NLRP4: variants seen among roughly 807,000 people sequenced by gnomAD.
NLRP4 encodes the protein NLR family pyrin domain containing 4.
NLRP4 carries 44 observed loss-of-function variants against 84.7 expected under a neutral mutation model. The observed-to-expected ratio is 0.52, with a 90% CI of 0.41 to 0.67. NLRP4 has a LOEUF of 0.67. Ranked by LOEUF, NLRP4 falls within the 30% of genes least tolerant of loss-of-function variation. The probability of loss-of-function intolerance (pLI) is 0.00; values close to 1 mark genes in which losing one functional copy is unlikely to be tolerated. For missense variants in NLRP4, 1,260 were observed against 1,219.4 expected (o/e 1.03, Z -0.50); for synonymous variants, 544 against 476.4 (o/e 1.14, Z -1.85).
In NLRP4 at chr19:55,881,548, C is replaced by T. The variant is rs1171502798; in HGVS notation, c.2946C>T (p.Ile982=). ...AAGAGAGAAATCCTAACCTGACCAT[C>T]ACAGACGACTGTGACACAATCACAA... is the stretch of plus-strand genomic sequence containing the variant. ...AEEERNPNLT[I]TDDCDTITRV... is the part of the protein sequence containing the mutation. Residue 982 remains isoleucine (I), a synonymous_variant, in exon 10 of 10, where the codon ATC becomes ATT. Coordinates refer to ENST00000301295, the MANE Select transcript of NLRP4 (RefSeq NM_134444.5). 1 of 1,606,536 alleles carries T rather than the reference C, an allele frequency of 6.2e-7. No individual in the cohort carries two copies. The highest frequency in any genetic ancestry group is 1.7e-5 in the Admixed American group (1 of 59,976).
intron 8 of NLRP4, among the ~76,000 whole-genome samples, chr19:55,878,240 C>T (rs1003044110): frequency 4.6e-5 from 7 of 151,822 alleles, no homozygotes; most frequent in Non-Finnish European, 1.0e-4. Context: ...GCACTTCAGC[C>T]GGGATGACAG....
chr19:55,874,587 C>G (rs302446), intron 7 of NLRP4, among the ~76,000 whole-genome samples: 141,048 of 152,242 alleles, frequency 0.93, 65,536 homozygotes, highest in East Asian at 1. Flanking sequence ...GTACTCAAGA[C>G]AAAAGAAAAA....
chr19:55,855,114 G>A (rs117665331), intron 2 of NLRP4, among the ~76,000 whole-genome samples: 3,912 of 152,282 alleles, frequency 0.026, 92 homozygotes, highest in East Asian at 0.092. Flanking sequence ...GGAAGCTGAG[G>A]CAGGAGGATC....
Position 55,878,945 on chromosome 19 carries a change from T to G in NLRP4, c.2848T>G (p.Cys950Gly). 6.2e-7 allele frequency: 1 copy of G among 1,613,202 alleles called. No homozygotes were observed. The change falls in exon 9 of 10, where the codon TGT becomes GGT. Residue 950 changes from cysteine (C) to glycine (G), a missense_variant. Coordinates refer to ENST00000301295, the MANE Select transcript of NLRP4 (RefSeq NM_134444.5). ...VLCEALRHPE[C>G]ALQVLGLRKT... Reference sequence around the variant, plus strand: ...CTGTGAGGCCCTGAGACACCCAGAGTGTGCCCTGCAGGTGCTCGGGTGAGC... The same window carrying G: ...CTGTGAGGCCCTGAGACACCCAGAGGGTGCCCTGCAGGTGCTCGGGTGAGC...
chr19:55,850,908 T>C (rs1288503555), intron 1 of NLRP4, among the ~76,000 whole-genome samples: 1 of 71,720 alleles, frequency 1.4e-5, no homozygotes, highest in Non-Finnish European at 2.2e-5. Context: ...CGGTGTAATG[T>C]CCGAGGCTGC....
At position 55,881,474 on chromosome 19, in the gene NLRP4, A is replaced by T; in HGVS notation, c.2872A>T (p.Arg958Ter). ...CCTCTTAAAATATTTTACCAGGCTG[A>T]GAAAAACTGATTTTGATGAGGAAAC... ...PECALQVLGLRKTDFDEETQA... is the reference protein window; with the variant it reads ...PECALQVLGL The change falls in exon 10 of 10, where the codon AGA becomes TGA. Residue 958 changes from arginine (R) to a stop codon, truncating the protein, a stop_gained. Coordinates refer to ENST00000301295, the MANE Select transcript of NLRP4 (RefSeq NM_134444.5). LOFTEE classifies it low-confidence loss of function (END_TRUNC). 6.5e-7 allele frequency: 1 copy of T among 1,549,288 alleles called. No individual in the cohort carries two copies. Among genetic ancestry groups the T allele is most frequent in the Non-Finnish European group, 8.9e-7 (1 of 1,122,914 alleles).
chr19:55,857,357 G>GTGTGTGTC (rs1491411569), intron 2 of NLRP4: 6 of 407,140 alleles, frequency 1.5e-5, no homozygotes, highest in Admixed American at 4.1e-5. Context: ...GTGTGTGTGT[G>GTGTGTGTC]TCTATTGAAA....
intron 2 of NLRP4, among the ~76,000 whole-genome samples, chr19:55,855,308 C>T (rs181255901): frequency 6.6e-6 from 1 of 152,296 alleles, no homozygotes; most frequent in East Asian, 1.9e-4. Context: ...TTAGATCTTC[C>T]ACTGGGTACT....
intron 9 of NLRP4, 89 bp downstream of exon 9, chr19:55,879,053 T>A (rs1384044936): frequency 9.8e-7 from 1 of 1,022,852 alleles, no homozygotes. Flanking sequence ...ACGTTGCATT[T>A]AAAATGCAAA....
In NLRP4 at chr19:55,858,828, TG is replaced by T. The variant is rs762772089; in HGVS notation, c.1436del (p.Cys479LeufsTer6). On this transcript the variant is annotated frameshift_variant, in exon 3 of 10. Coordinates refer to ENST00000301295, the MANE Select transcript of NLRP4 (RefSeq NM_134444.5). LOFTEE classifies it high-confidence loss of function. The surrounding 1 kb of genome is among the most constrained non-coding windows in gnomAD (Gnocchi z 4.2). ...HLDHPHPAVR[C>X]VQELLVANFE... ...TGATCATCCTCACCCAGCTGTGAGA[TG>T]TGTACAGGAATTGCTAGTTGCCAAT... 6.2e-7 allele frequency: 1 copy of T among 1,614,046 alleles called. No individual in the cohort carries two copies. Among genetic ancestry groups the T allele is most frequent in the Non-Finnish European group, 8.5e-7 (1 of 1,180,004 alleles).
chr19:55,838,843 A>C (rs1983496614), intron 1 of NLRP4, among the ~76,000 whole-genome samples: 1 of 152,190 alleles, frequency 6.6e-6, no homozygotes, highest in African/African-American at 2.4e-5. Context: ...AAAAAACAGG[A>C]AATTAATAGA....
rs1267201279 is a variant in NLRP4, at chr19:55,850,270, C to T, written c.-65-1746C>T. On this transcript the variant is annotated intron_variant, in intron 1 of 9. Coordinates refer to ENST00000301295, the MANE Select transcript of NLRP4 (RefSeq NM_134444.5). ...ATTTCCGAGGCTGCGGTGTAATTTC[C>T]GAGGCTGCGGTGTAATGTCCGTGGC... Among the ~76,000 whole-genome samples, 8 of 127,920 alleles carry T rather than the reference C, an allele frequency of 6.3e-5. No homozygotes were observed. The East Asian group carries it at 1.1e-3, about 18-fold the overall frequency. The allele number at this position is 127,920 out of a possible 152,430, so 83.9% of individuals were successfully genotyped here.
chr19:55,878,612 G>A (rs1985463829), intron 8 of NLRP4, among the ~76,000 whole-genome samples, 182 bp from the exon 9 acceptor site: 1 of 152,186 alleles, frequency 6.6e-6, no homozygotes, highest in African/African-American at 2.4e-5. Flanking sequence ...GAGAAGAATG[G>A]ACACTTATGG....
chr19:55,853,177 A>G (rs1984237291), intron 2 of NLRP4, among the ~76,000 whole-genome samples: 2 of 152,232 alleles, frequency 1.3e-5, no homozygotes, highest in South Asian at 4.1e-4. Flanking sequence ...ATGGCAGGAT[A>G]TAGCTCTTTC....
At position 55,857,838 on chromosome 19, in the gene NLRP4, C is replaced by T. The variant is rs773617976; in HGVS notation, c.445C>T (p.Arg149Cys). 31 of 1,613,738 alleles carry T rather than the reference C, an allele frequency of 1.9e-5. No homozygotes were observed. The highest frequency in any genetic ancestry group is 2.3e-5 in the Non-Finnish European group (27 of 1,179,790). The change falls in exon 3 of 10, where the codon CGT (arginine) becomes TGT (cysteine). Residue 149 changes from arginine to cysteine, a missense_variant. Transcript: ENST00000301295. ...FAPKEAGKQP[R>C]TVIIQGPQGI... is the part of the protein sequence containing the mutation. Reference sequence around the variant, plus strand: ...TCCCAAGGAAGCTGGGAAACAGCCACGTACAGTGATCATTCAAGGACCACA... The same window carrying T: ...TCCCAAGGAAGCTGGGAAACAGCCATGTACAGTGATCATTCAAGGACCACA...
At chr19:55,859,275 C>T (rs571633903) in intron 3 of NLRP4, 26 bp downstream of exon 3, 3 of 1,553,300 alleles carry the variant, frequency 1.9e-6, no homozygotes, top group South Asian at 1.2e-5. Flanking sequence ...GACTTTTTCT[C>T]TCTTCTCAGA....
intron 1 of NLRP4, among the ~76,000 whole-genome samples, chr19:55,851,774 C>T (rs1304540153): frequency 6.6e-6 from 1 of 152,080 alleles, no homozygotes; most frequent in Non-Finnish European, 1.5e-5. Flanking sequence ...TCTATATTTG[C>T]CTGGATATTG....
chr19:55,859,374 C>T lies in NLRP4; in HGVS notation c.1856+125C>T, dbSNP rs543231202. 93 of 741,426 alleles carry T rather than the reference C, an allele frequency of 1.3e-4. No homozygotes were observed. The South Asian group carries it at 1.7e-3, about 14-fold the overall frequency. 45.9% of individuals were successfully genotyped at this position (741,426 alleles called of 1,614,324 possible). A position where few individuals can be genotyped will look rare whatever the true frequency, so the allele number is the denominator to read the frequency against. ...ACTCATTTTTTCTGCCACAAAACCT[C>T]AGCTCACATCCTGGCCCAACATTTT... On this transcript the variant is annotated intron_variant, in intron 3 of 9. Transcript: ENST00000301295.
intron 7 of NLRP4, among the ~76,000 whole-genome samples, chr19:55,873,994 C>A (rs1985281745): frequency 6.6e-6 from 1 of 150,842 alleles, no homozygotes; most frequent in Non-Finnish European, 1.5e-5. Flanking sequence ...TAAAATAAAC[C>A]CCCTAAAGGA....
Sources: gnomAD v4.1 joint callset for allele counts (sites outside exome capture counted in the v4.1 genomes callset) on GRCh38, gnomAD v4.1.1 for gene constraint, Gnocchi (gnomAD v3.1) non-coding constraint, MANE v1.5 for transcripts, NCBI Gene and HGNC (gene_info 2026-07-23, HGNC 2026-07-21) for gene names.